Variants in ZFPM1 observed in about 807,000 individuals in gnomAD.
The protein encoded by ZFPM1 is zinc finger protein, FOG family member 1.
In ZFPM1, 28 loss-of-function variants were observed where a neutral mutation model predicts 46.3. The observed-to-expected ratio is 0.60, with a 90% CI of 0.45 to 0.83. ZFPM1 has a LOEUF of 0.83. Among genes scored for constraint, ZFPM1 ranks in the 40% least tolerant of loss-of-function variants. The pLI, the probability that ZFPM1 is intolerant of heterozygous loss-of-function variation, is 0.00. For synonymous variants in ZFPM1, 957 were observed against 675.9 expected, an observed-to-expected ratio of 1.42 and a Z score of -6.45; for missense variants, 1,878 against 1,432.4, an observed-to-expected ratio of 1.31 and a Z score of -5.02.
At chr16:88,521,561 C>T (rs1378664661) in intron 4 of ZFPM1, among the ~76,000 whole-genome samples, 17 of 140,556 alleles carry the variant, frequency 1.2e-4, no homozygotes, top group African/African-American at 4.3e-4. Context: ...TCATGCTGTT[C>T]CCTCTCCCCT....
intron 4 of ZFPM1, among the ~76,000 whole-genome samples, chr16:88,522,707 G>A (rs577830440): frequency 1.9e-3 from 284 of 152,338 alleles, no homozygotes; most frequent in African/African-American, 6.5e-3. Context: ...CACTGCTGGT[G>A]GGGCCGGCCA....
At chr16:88,456,845 C>A (rs961729316) in intron 1 of ZFPM1, among the ~76,000 whole-genome samples, 10 of 152,134 alleles carry the variant, frequency 6.6e-5, no homozygotes, top group Non-Finnish European at 1.3e-4. Flanking sequence ...GAGGGTCCAC[C>A]GAGGCACTTT....
Position 88,486,029 on chromosome 16 carries a change from G to A in ZFPM1, c.131G>A (p.Ser44Asn), listed in dbSNP as rs1176522096. Residue 44 changes from serine to asparagine, a missense_variant, in exon 2 of 10, where the codon AGC (serine) becomes AAC (asparagine). By Grantham distance (46) the Ser-to-Asn change is conservative (BLOSUM62 1). Coordinates refer to ENST00000319555, the MANE Select transcript of ZFPM1 (RefSeq NM_153813.3). ...EQKATAPEAP[S>N]PPSADVNSPP... ...AAGGCCACGGCACCTGAAGCCCCGA[G>A]CCCTCCCAGCGCAGGTGAGTCAGAC... 2 of 1,612,016 alleles carry A rather than the reference G, an allele frequency of 1.2e-6. No homozygotes were observed. Among genetic ancestry groups the A allele is most frequent in the Non-Finnish European group, 1.7e-6 (2 of 1,179,712 alleles).
At chr16:88,507,556 C>T (rs111592605) in intron 3 of ZFPM1, among the ~76,000 whole-genome samples, 208 of 152,262 alleles carry the variant, frequency 1.4e-3, no homozygotes, top group Non-Finnish European at 2.1e-3. Flanking sequence ...GTTGGCTGGA[C>T]GGGGTATGAC....
At chr16:88,494,762 G>C (rs984913240) in intron 3 of ZFPM1, among the ~76,000 whole-genome samples, 1 of 152,128 alleles carries the variant, frequency 6.6e-6, no homozygotes, top group African/African-American at 2.4e-5. Flanking sequence ...GAGGCAGCAG[G>C]AGGAGCCGGC....
intron 2 of ZFPM1, 39 bp downstream of exon 2, chr16:88,486,082 G>A (rs1413260262): frequency 2.5e-6 from 4 of 1,577,394 alleles, no homozygotes; most frequent in East Asian, 4.6e-5. Flanking sequence ...CCTCCAGCCG[G>A]GGCCTCCATT....
chr16:88,518,743 GGA>G (rs1911542607), intron 4 of ZFPM1, among the ~76,000 whole-genome samples: 1 of 113,148 alleles, frequency 8.8e-6, no homozygotes, highest in Non-Finnish European at 2.1e-5. Context: ...GAGGGTGGAT[GGA>G]TGGATGGATG....
At position 88,533,961 on chromosome 16, in the gene ZFPM1, G is replaced by C; in HGVS notation, c.2003G>C (p.Ser668Thr). 7.7e-7 allele frequency: 1 copy of C among 1,304,058 alleles called. No individual in the cohort carries two copies. The highest frequency in any genetic ancestry group is 9.9e-7 in the Non-Finnish European group (1 of 1,007,298). 80.8% of individuals were successfully genotyped at this position (1,304,058 alleles called of 1,614,324 possible). Residue 668 changes from serine to threonine, a missense_variant, in exon 10 of 10, where the codon AGC becomes ACC. Physicochemically the swap from Ser to Thr is moderately conservative, Grantham distance 58. Coordinates refer to ENST00000319555, the MANE Select transcript of ZFPM1 (RefSeq NM_153813.3). ...AGGRGSEGSQ[S>T]PGSSVDDAED... ...GGCCGGGGCAGCGAGGGCAGCCAGAGCCCGGGTAGCTCCGTGGACGACGCG... is the reference window on the plus strand; with the variant it reads ...GGCCGGGGCAGCGAGGGCAGCCAGACCCCGGGTAGCTCCGTGGACGACGCG...
At chr16:88,487,262 G>C (rs1206891732) in intron 2 of ZFPM1, among the ~76,000 whole-genome samples, 1 of 152,124 alleles carries the variant, frequency 6.6e-6, no homozygotes, top group Non-Finnish European at 1.5e-5. Flanking sequence ...CAGGTTGTGG[G>C]GTGGGCTCCA....
chr16:88,529,008 C>T (rs1461854815), intron 6 of ZFPM1, among the ~76,000 whole-genome samples: 1 of 152,170 alleles, frequency 6.6e-6, no homozygotes, highest in African/African-American at 2.4e-5. Context: ...CGGCCGGGTA[C>T]AGGAGCCATA....
Position 88,534,691 on chromosome 16 carries a change from G to A in ZFPM1, c.2733G>A (p.Gln911=), listed in dbSNP as rs889832622. The A allele has an allele frequency of 4.5e-5, 44 of 983,384 alleles. No homozygotes were observed. In the African/African-American group the frequency reaches 7.6e-4, roughly 17 times the overall value. The allele number at this position is 983,384 out of a possible 1,614,324, so 60.9% of individuals were successfully genotyped here. The change falls in exon 10 of 10, where the codon CAG becomes CAA. Residue 911 remains glutamine, a synonymous_variant. Coordinates refer to ENST00000319555, the MANE Select transcript of ZFPM1 (RefSeq NM_153813.3). ...SPAPAPAASP[Q]PGSRGPRDGL... ...CTCCCGCCCCCGCCGCCTCCCCGCA[G>A]CCCGGGTCCCGTGGCCCCCGGGACG...
In ZFPM1 at chr16:88,536,498, C is replaced by T. The variant is rs1358287110; in HGVS notation, c.*1519C>T. 1 of 152,252 alleles carries T rather than the reference C, an allele frequency of 6.6e-6. No homozygotes were observed. The highest frequency in any genetic ancestry group is 1.5e-5 in the Non-Finnish European group (1 of 68,058). The allele number at this position is 152,252 out of a possible 1,614,324, so 9.4% of individuals were successfully genotyped here. A position where few individuals can be genotyped will look rare whatever the true frequency, so the allele number is the denominator to read the frequency against. ...CCATTTCCAACTCTACTTGAACTAGCTGCATTTTTTTCAGCTTTGCCCAGC... is the reference window on the plus strand; with the variant it reads ...CCATTTCCAACTCTACTTGAACTAGTTGCATTTTTTTCAGCTTTGCCCAGC... On this transcript the variant is annotated 3_prime_UTR_variant, in exon 10 of 10. Transcript: ENST00000319555.
intron 3 of ZFPM1, among the ~76,000 whole-genome samples, chr16:88,494,419 G>A (rs763987352): frequency 6.6e-6 from 1 of 152,244 alleles, no homozygotes; most frequent in Non-Finnish European, 1.5e-5. Context: ...GTTGCAGTGC[G>A]GCCCCGCTGT....
chr16:88,534,319 CG>C lies in ZFPM1; in HGVS notation c.2363del (p.Gly788AlafsTer10). 1 of 1,330,060 alleles carries C rather than the reference CG, an allele frequency of 7.5e-7. No individual in the cohort carries two copies. 82.4% of individuals were successfully genotyped at this position (1,330,060 alleles called of 1,614,324 possible). A position where few individuals can be genotyped will look rare whatever the true frequency, so the allele number is the denominator to read the frequency against. On this transcript the variant is annotated frameshift_variant, in exon 10 of 10. Transcript: ENST00000319555. LOFTEE classifies it low-confidence loss of function (END_TRUNC). ...CCGGCCTCGCCCCTGCGCGCTCGCC[CG>C]GCCCCGCGGCCGACGGCCCCATCGA... is the stretch of plus-strand genomic sequence containing the variant. ...GPGLAPARSP[G>X]PAADGPIDLS...
At chr16:88,490,937 G>T (rs898258205) in intron 3 of ZFPM1, among the ~76,000 whole-genome samples, 1 of 152,148 alleles carries the variant, frequency 6.6e-6, no homozygotes, top group Admixed American at 6.5e-5. Context: ...TGCTGGCTGC[G>T]TCCCTTCTCC....
chr16:88,529,083 C>A (rs1912574540), intron 6 of ZFPM1, among the ~76,000 whole-genome samples: 1 of 152,230 alleles, frequency 6.6e-6, no homozygotes, highest in Non-Finnish European at 1.5e-5. Flanking sequence ...AGTTCAAGGC[C>A]AGACTGGGCA....
intron 3 of ZFPM1, among the ~76,000 whole-genome samples, chr16:88,500,231 G>A (rs948673268): frequency 6.6e-6 from 1 of 152,022 alleles, no homozygotes; most frequent in African/African-American, 2.4e-5. Context: ...GCGAGCCCCT[G>A]GAGCCCCGGC....
At chr16:88,491,070 C>G (rs1158812007) in intron 3 of ZFPM1, among the ~76,000 whole-genome samples, 5 of 151,736 alleles carry the variant, frequency 3.3e-5, no homozygotes, top group Admixed American at 3.3e-4. Context: ...GGCGCTGGTG[C>G]CTTCGCGGGT....
rs373396723 is a variant in ZFPM1 at position 88,489,076 on chromosome 16, G to A, written c.191G>A (p.Gly64Asp). 1.5e-5 allele frequency: 25 copies of A among 1,613,124 alleles called. No homozygotes were observed. The highest frequency in any genetic ancestry group is 7.7e-5 in the South Asian group (7 of 91,078). ...CTGCCGCCCCCCACATCCCCAGGAG[G>A]CCCCAAGGAGCTGGAAGGACAGGAA... ...PPLPPPTSPG[G>D]PKELEGQEPE... The change falls in exon 3 of 10, where the codon GGC (glycine) becomes GAC (aspartate). Residue 64 changes from glycine to aspartate, a missense_variant. By Grantham distance (94) the Gly-to-Asp change is moderately conservative (BLOSUM62 -1). Transcript: ENST00000319555.
Sources: gnomAD v4.1 joint callset for allele counts (sites outside exome capture counted in the v4.1 genomes callset) on GRCh38, gnomAD v4.1.1 for gene constraint, MANE v1.5 for transcripts, NCBI Gene and HGNC (gene_info 2026-07-23, HGNC 2026-07-21) for gene names.